The following FN3K variants were observed in gnomAD, a reference collection of about 807,000 sequenced individuals.
The protein encoded by FN3K is fructosamine 3 kinase.
FN3K carries 24 observed loss-of-function variants against 24.8 expected under a neutral mutation model. The ratio of observed to expected loss-of-function variants is 0.97; its 90% confidence interval spans 0.70 to 1.36. The LOEUF (loss-of-function observed/expected upper bound fraction) is 1.36. Ranked by LOEUF, FN3K falls within the 40% of genes most tolerant of loss-of-function variation. The pLI, the probability that FN3K is intolerant of heterozygous loss-of-function variation, is 0.00. For missense variants in FN3K, 449 were observed against 416.7 expected (o/e 1.08, Z -0.67); for synonymous variants, 192 against 175.2 (o/e 1.10, Z -0.76).
At position 82,738,535 on chromosome 17, in the gene FN3K, G is replaced by A. The variant is rs767711503; in HGVS notation, c.188G>A (p.Arg63Lys). Reference sequence around the variant, plus strand: ...GAGGTGGCCAGCCTGGAGGCCCTCAGGAGCACGGGCCTGGTGCGGGTGCCG... The same window carrying A: ...GAGGTGGCCAGCCTGGAGGCCCTCAAGAGCACGGGCCTGGTGCGGGTGCCG... ...EGEVASLEAL[R>K]STGLVRVPRP... is the part of the protein sequence containing the mutation. Residue 63 changes from arginine (R) to lysine (K), a missense_variant, in exon 2 of 6, where the codon AGG becomes AAG. Arg to Lys is a conservative substitution (Grantham distance 26). Coordinates refer to ENST00000300784, the MANE Select transcript of FN3K (RefSeq NM_022158.4). 11 of 1,612,364 alleles carry A rather than the reference G, an allele frequency of 6.8e-6. No homozygotes were observed. Among genetic ancestry groups the A allele is most frequent in the Non-Finnish European group, 6.8e-6 (8 of 1,179,330 alleles).
At chr17:82,741,696 ATGGGTAGTG>A (rs1287317642) in intron 4 of FN3K, among the ~76,000 whole-genome samples, 1 of 152,136 alleles carries the variant, frequency 6.6e-6, no homozygotes, top group African/African-American at 2.4e-5. Context: ...ACAGTGGGTG[ATGGGTAGTG>A]TGCAAAGTCA....
intron 4 of FN3K, among the ~76,000 whole-genome samples, chr17:82,743,892 C>T (rs2046954389): frequency 6.6e-6 from 1 of 152,204 alleles, no homozygotes; most frequent in Admixed American, 6.5e-5. Context: ...CCAGGTGGCA[C>T]CTTCCCCGGG....
chr17:82,738,522 C>T lies in FN3K; in HGVS notation c.175C>T (p.Leu59=), dbSNP rs369791416. 50 of 1,612,046 alleles carry T rather than the reference C, an allele frequency of 3.1e-5. No individual in the cohort carries two copies. The highest frequency in any genetic ancestry group is 6.6e-5 in the South Asian group (6 of 90,962). The stretch of plus-strand genomic sequence containing the variant: ...GATGTTTGAGGGGGAGGTGGCCAGC[C>T]TGGAGGCCCTCAGGAGCACGGGCCT... ...RQMFEGEVAS[L]EALRSTGLVR... is the part of the protein sequence containing the mutation. The change falls in exon 2 of 6, where the codon CTG becomes TTG. Residue 59 remains leucine (L), a synonymous_variant. Coordinates refer to ENST00000300784, the MANE Select transcript of FN3K (RefSeq NM_022158.4).
chr17:82,739,068 C>T (rs113250334), intron 2 of FN3K, among the ~76,000 whole-genome samples: 3 of 151,106 alleles, frequency 2.0e-5, no homozygotes, highest in African/African-American at 7.3e-5. Flanking sequence ...CCACCTCAGC[C>T]TCCTGAGTAG....
rs756752033 is a variant in FN3K at position 82,750,437 on chromosome 17, T to G, written c.612T>G (p.Phe204Leu). Reference protein sequence around the residue: ...SRLQVKIPDLFCGLEIVPALL... With the variant: ...SRLQVKIPDLLCGLEIVPALL... ...CGTAGGTGAAGATCCCGGATCTGTT[T>G]TGTGGCCTAGAGATTGTCCCCGCGT... is the stretch of plus-strand genomic sequence containing the variant. Residue 204 changes from phenylalanine (F) to leucine (L), a missense_variant, in exon 6 of 6, where the codon TTT (phenylalanine) becomes TTG (leucine). Phe to Leu is a conservative substitution (Grantham distance 22, BLOSUM62 0). Transcript: ENST00000300784. 29 of 1,614,146 alleles carry G rather than the reference T, an allele frequency of 1.8e-5. No homozygotes were observed. The highest frequency in any genetic ancestry group is 2.5e-5 in the Non-Finnish European group (29 of 1,180,026).
intron 4 of FN3K, chr17:82,741,630 C>G (rs1047481452): frequency 5.2e-5 from 25 of 482,680 alleles, no homozygotes; most frequent in African/African-American, 4.3e-4. Flanking sequence ...GCAGAGCGAG[C>G]CTCAAGTGCA....
chr17:82,745,559 G>A (rs4789717), intron 4 of FN3K: 11,991 of 152,202 alleles, frequency 0.079, 645 homozygotes, highest in East Asian at 0.16. Context: ...ATATTCATCC[G>A]TGATACACAT....
At position 82,746,455 on chromosome 17, in the gene FN3K, T is replaced by A. The variant is rs551936639; in HGVS notation, c.469-2400T>A. ...TAGGATATGAGTGTTTTACCAGATA[T>A]ATGATTTGCGAATAGTGTCTCCTAG... On this transcript the variant is annotated intron_variant, in intron 4 of 5. Transcript: ENST00000300784. 3.9e-4 allele frequency among the ~76,000 whole-genome samples: 60 copies of A among 152,218 alleles called. 1 individual carries two copies. Among genetic ancestry groups the A allele is most frequent in the Admixed American group, 3.5e-3 (53 of 15,284 alleles).
intron 4 of FN3K, chr17:82,742,882 A>C (rs2046948755): frequency 1.1e-5 from 4 of 360,202 alleles, no homozygotes; most frequent in Non-Finnish European, 2.2e-5. Flanking sequence ...ACAATGACCA[A>C]GCTCTCCCTG....
At chr17:82,743,131 G>C (rs1437420035) in intron 4 of FN3K, among the ~76,000 whole-genome samples, 18 of 152,322 alleles carry the variant, frequency 1.2e-4, no homozygotes, top group African/African-American at 4.3e-4. Context: ...GTCCAGGTGA[G>C]CACGGCTGGG....
intron 4 of FN3K, among the ~76,000 whole-genome samples, chr17:82,741,757 T>C (rs1433343827): frequency 6.6e-6 from 1 of 152,224 alleles, no homozygotes; most frequent in Non-Finnish European, 1.5e-5. Flanking sequence ...CTGAGGCCTT[T>C]ACAAATTATT....
At chr17:82,740,003 A>G (rs1049140204) in intron 2 of FN3K, among the ~76,000 whole-genome samples, 1 of 152,046 alleles carries the variant, frequency 6.6e-6, no homozygotes, top group Non-Finnish European at 1.5e-5. Flanking sequence ...TCTTGGGCTC[A>G]AATGATTCTT....
rs750259787 is a variant in FN3K at position 82,748,893 on chromosome 17, C to T, written c.507C>T (p.Ala169=). The part of the protein sequence containing the change: ...EWQDDWPTFF[A]RHRLQAQLDL... ...AGGATGACTGGCCGACCTTTTTCGC[C>T]CGGCACCGGCTCCAGGCGCAGCTGG... Residue 169 remains alanine (A), a synonymous_variant, in exon 5 of 6, where the codon GCC becomes GCT. Coordinates refer to ENST00000300784, the MANE Select transcript of FN3K (RefSeq NM_022158.4). 7 of 1,613,656 alleles carry T rather than the reference C, an allele frequency of 4.3e-6. No homozygotes were observed. Among genetic ancestry groups the T allele is most frequent in the African/African-American group, 1.3e-5 (1 of 74,914 alleles).
chr17:82,747,756 TTTATTGAGATCTGTTTGCATGGAG>T (rs761319129), intron 4 of FN3K, among the ~76,000 whole-genome samples: 85 of 152,336 alleles, frequency 5.6e-4, no homozygotes, highest in Non-Finnish European at 9.6e-4. Flanking sequence ...TTCTTCTCAA[TTTATTGAGATCTGTTTGCATGGAG>T]AGAGAAATCC....
intron 4 of FN3K, among the ~76,000 whole-genome samples, chr17:82,743,047 G>A (rs987755727): frequency 2.6e-5 from 4 of 152,148 alleles, no homozygotes; most frequent in African/African-American, 4.8e-5. Flanking sequence ...CGAGACCCCC[G>A]AGATCTCAGC....
chr17:82,740,588 C>T (rs1431770230), intron 2 of FN3K, among the ~76,000 whole-genome samples, 175 bp from the exon 3 acceptor site: 2 of 152,012 alleles, frequency 1.3e-5, no homozygotes, highest in African/African-American at 2.4e-5. Context: ...CAAGGCCTGG[C>T]CCCAGAAAAG....
chr17:82,744,808 C>T (rs1383929512), intron 4 of FN3K, among the ~76,000 whole-genome samples: 1 of 152,186 alleles, frequency 6.6e-6, no homozygotes, highest in Non-Finnish European at 1.5e-5. Flanking sequence ...GTCTTTGCAT[C>T]ATAGACAAGG....
chr17:82,741,714 C>T (rs2046942063), intron 4 of FN3K, among the ~76,000 whole-genome samples: 1 of 152,112 alleles, frequency 6.6e-6, no homozygotes, highest in African/African-American at 2.4e-5. Context: ...TGTGCAAAGT[C>T]AGGGATTAAG....
In FN3K at chr17:82,750,885, C is replaced by CCCCCGTCCCCCCATCCTCCTGT. The variant is rs1598346137; in HGVS notation, c.*143_*164dup. The CCCCCGTCCCCCCATCCTCCTGT allele has an allele frequency of 3.7e-6, 2 of 547,924 alleles. No individual in the cohort carries two copies. The highest frequency in any genetic ancestry group is 3.3e-5 in the East Asian group (1 of 30,406). 33.9% of individuals were successfully genotyped at this position (547,924 alleles called of 1,614,324 possible). On this transcript the variant is annotated 3_prime_UTR_variant, in exon 6 of 6. Transcript: ENST00000300784. Reference sequence around the variant, plus strand: ...GTCTCCCCGTCCCTCCGTCTCCATCCCCCCGTCCCCCCATCCTCCTGTCCC... The same window carrying CCCCCGTCCCCCCATCCTCCTGT: ...GTCTCCCCGTCCCTCCGTCTCCATCCCCCCGTCCCCCCATCCTCCTGTCCCCGTCCCCCCATCCTCCTGTCCC...
Sources: gnomAD v4.1 joint callset for allele counts (sites outside exome capture counted in the v4.1 genomes callset) on GRCh38, gnomAD v4.1.1 for gene constraint, MANE v1.5 for transcripts, NCBI Gene and HGNC (gene_info 2026-07-23, HGNC 2026-07-21) for gene names.